Variants in BTBD9 observed in about 807,000 individuals in gnomAD.
BTBD9 encodes BTB/POZ domain-containing protein 9.
A neutral mutation model predicts 64.3 loss-of-function variants in BTBD9; 49 were observed. The ratio of observed to expected loss-of-function variants is 0.76; its 90% confidence interval spans 0.61 to 0.97. The LOEUF is 0.97. BTBD9 is among the 50% of genes least tolerant of loss of function. The pLI is 0.00. For missense variants in BTBD9, 598 were observed against 762.1 expected, an observed-to-expected ratio of 0.78 and a Z score of 2.53; for synonymous variants, 260 against 274.7, an observed-to-expected ratio of 0.95 and a Z score of 0.53.
chr6:38,582,355 T>C (rs979850880), intron 4 of BTBD9, among the ~76,000 whole-genome samples: 4 of 152,244 alleles, frequency 2.6e-5, no homozygotes, highest in South Asian at 2.1e-4. Context: ...TTTGCAAATA[T>C]TAATTCCTTT....
At chr6:38,469,522 G>T (rs763161428) in intron 6 of BTBD9, among the ~76,000 whole-genome samples, 1 of 151,786 alleles carries the variant, frequency 6.6e-6, no homozygotes, top group Non-Finnish European at 1.5e-5. Flanking sequence ...GGATTTTACC[G>T]TGTTAGTCAG....
intron 6 of BTBD9, among the ~76,000 whole-genome samples, chr6:38,354,108 GTAAACATTA>G (rs1291592741): frequency 6.6e-6 from 1 of 152,102 alleles, no homozygotes; most frequent in Non-Finnish European, 1.5e-5. Context: ...TTCTAAGAAT[GTAAACATTA>G]TATACCCTGA....
intron 6 of BTBD9, among the ~76,000 whole-genome samples, chr6:38,531,220 G>A (rs1342763036): frequency 6.6e-6 from 1 of 152,106 alleles, no homozygotes; most frequent in Non-Finnish European, 1.5e-5. Flanking sequence ...AACATTCAAA[G>A]GAGTTCCAAT....
At chr6:38,498,297 C>T (rs932413163) in intron 6 of BTBD9, among the ~76,000 whole-genome samples, 3 of 152,196 alleles carry the variant, frequency 2.0e-5, no homozygotes, top group Admixed American at 1.3e-4. Context: ...GAGCTGGACT[C>T]TGCCATCCAC....
chr6:38,431,740 T>C (rs1179475180), intron 6 of BTBD9, among the ~76,000 whole-genome samples: 1 of 152,070 alleles, frequency 6.6e-6, no homozygotes, highest in Non-Finnish European at 1.5e-5. Flanking sequence ...ATGAATAGTG[T>C]ACCTCCTTAC....
At chr6:38,456,348 C>A (rs1225670566) in intron 6 of BTBD9, among the ~76,000 whole-genome samples, 1 of 152,134 alleles carries the variant, frequency 6.6e-6, no homozygotes, top group Admixed American at 6.5e-5. Flanking sequence ...TTTGTGTGAA[C>A]GTACGATTTC....
chr6:38,388,178 A>G (rs1766261148), intron 6 of BTBD9, among the ~76,000 whole-genome samples: 2 of 149,592 alleles, frequency 1.3e-5, no homozygotes, highest in South Asian at 4.2e-4. Flanking sequence ...TCAGATATGC[A>G]CTTTGTTCCA....
chr6:38,558,086 C>G (rs543862647), intron 6 of BTBD9, among the ~76,000 whole-genome samples: 10 of 152,058 alleles, frequency 6.6e-5, no homozygotes, highest in Middle Eastern at 3.4e-3. Flanking sequence ...ACAGTAAGAC[C>G]CTATATCTAG....
chr6:38,367,822 A>AAC (rs1765242932), intron 6 of BTBD9, among the ~76,000 whole-genome samples: 2 of 98,338 alleles, frequency 2.0e-5, no homozygotes, highest in African/African-American at 7.8e-5. Context: ...AAAAAAAAAA[A>AAC]AAAAAAAAAC....
chr6:38,218,364 A>G (rs1479536095), intron 9 of BTBD9, among the ~76,000 whole-genome samples: 1 of 152,172 alleles, frequency 6.6e-6, no homozygotes, highest in East Asian at 1.9e-4. Flanking sequence ...GAACTTCTGA[A>G]AGGCCTAAGT....
At chr6:38,204,709 G>T (rs1181912849) in intron 9 of BTBD9, among the ~76,000 whole-genome samples, 1 of 152,054 alleles carries the variant, frequency 6.6e-6, no homozygotes, top group African/African-American at 2.4e-5. Context: ...TATATGAATT[G>T]TATCTCAATA....
At chr6:38,588,458 C>A in intron 4 of BTBD9, 1 of 830,104 alleles carries the variant, frequency 1.2e-6, no homozygotes, top group Non-Finnish European at 2.0e-6. Context: ...ACCCCTCCTC[C>A]AACTGGGCCT....
At chr6:38,264,662 T>C (rs75115143) in intron 8 of BTBD9, among the ~76,000 whole-genome samples, 4,741 of 152,254 alleles carry the variant, frequency 0.031, 261 homozygotes, top group African/African-American at 0.11. Context: ...CTCCTTATCG[T>C]CAGCTGTCAC....
chr6:38,496,229 C>T (rs1387553151), intron 6 of BTBD9, among the ~76,000 whole-genome samples: 1 of 152,012 alleles, frequency 6.6e-6, no homozygotes, highest in Non-Finnish European at 1.5e-5. Flanking sequence ...GCTGTCACTG[C>T]CTTCTTTTAT....
chr6:38,602,030 C>G (rs1412505909), intron 1 of BTBD9, among the ~76,000 whole-genome samples: 3 of 152,046 alleles, frequency 2.0e-5, no homozygotes, highest in Non-Finnish European at 4.4e-5. Flanking sequence ...AAGAAAAATA[C>G]AAAGACATAA....
intron 7 of BTBD9, among the ~76,000 whole-genome samples, chr6:38,330,343 G>A (rs1763625820): frequency 6.6e-6 from 1 of 152,142 alleles, no homozygotes; most frequent in African/African-American, 2.4e-5. Flanking sequence ...GTGAGCCACT[G>A]TGCCTGGTCA....
chr6:38,212,541 G>T (rs1762868926), intron 9 of BTBD9, among the ~76,000 whole-genome samples: 1 of 152,106 alleles, frequency 6.6e-6, no homozygotes, highest in South Asian at 2.1e-4. Context: ...GCTGAAATTT[G>T]CCTGAAAAAT....
intron 6 of BTBD9, among the ~76,000 whole-genome samples, chr6:38,526,355 G>C (rs1316068286): frequency 6.6e-6 from 1 of 152,258 alleles, no homozygotes; most frequent in Non-Finnish European, 1.5e-5. Flanking sequence ...GATTTCAGAG[G>C]ATGTATAGAA....
chr6:38,215,828 A>G (rs1348051319), intron 9 of BTBD9, among the ~76,000 whole-genome samples: 3 of 152,160 alleles, frequency 2.0e-5, no homozygotes, highest in Non-Finnish European at 4.4e-5. Flanking sequence ...GCAGAACTCT[A>G]GATCTGAAAC....
Sources: gnomAD v4.1 joint callset for allele counts (sites outside exome capture counted in the v4.1 genomes callset) on GRCh38, gnomAD v4.1.1 for gene constraint, MANE v1.5 for transcripts, NCBI Gene and HGNC (gene_info 2026-07-23, HGNC 2026-07-21) for gene names.